SAE1: variants seen among roughly 807,000 people sequenced by gnomAD.
The protein encoded by SAE1 is SUMO-activating enzyme subunit 1.
Under a neutral mutation model 40.6 loss-of-function variants are expected in SAE1, and 11 were observed. That is an observed-to-expected ratio of 0.27 (90% CI 0.17 to 0.45). The LOEUF is 0.45. SAE1 is among the 20% of genes least tolerant of loss of function. SAE1 has a pLI of 1.00. For synonymous variants in SAE1, 155 were observed against 154.3 expected, an observed-to-expected ratio of 1.00 and a Z score of -0.03; for missense variants, 373 against 427.3, an observed-to-expected ratio of 0.87 and a Z score of 1.12.
chr19:47,150,167 T>C, intron 2 of SAE1, 35 bp from the exon 3 acceptor site: 1 of 1,413,196 alleles, frequency 7.1e-7, no homozygotes, highest in Non-Finnish European at 9.5e-7. Context: ...TCCCTAAAAA[T>C]ACAAGACTTA....
At chr19:47,176,822 C>T (rs916719779) in intron 6 of SAE1, among the ~76,000 whole-genome samples, 4 of 152,312 alleles carry the variant, frequency 2.6e-5, no homozygotes, top group African/African-American at 4.8e-5. Context: ...CATCTGTGAG[C>T]AAAAGGTCTC....
At chr19:47,183,414 T>G (rs2123282747) in intron 6 of SAE1, among the ~76,000 whole-genome samples, 1 of 152,288 alleles carries the variant, frequency 6.6e-6, no homozygotes, top group Admixed American at 6.5e-5. Context: ...GCCTTGTGTT[T>G]AAGCATCGCC....
At chr19:47,145,936 GT>G (rs11321351) in intron 2 of SAE1, among the ~76,000 whole-genome samples, 125,154 of 129,956 alleles carry the variant, frequency 0.96, 60,345 homozygotes, top group Middle Eastern at 0.98. Flanking sequence ...CATTCTCAAG[GT>G]TTTTTTTTTT....
chr19:47,152,824 G>A (rs924178942), intron 3 of SAE1, 74 bp from the exon 4 acceptor site: 7 of 1,425,124 alleles, frequency 4.9e-6, no homozygotes, highest in African/African-American at 2.8e-5. Flanking sequence ...TGTTCATTAA[G>A]ATTTATTTAG....
chr19:47,201,322 C>CA (rs1425936878), intron 7 of SAE1, among the ~76,000 whole-genome samples: 4 of 141,604 alleles, frequency 2.8e-5, no homozygotes, highest in Non-Finnish European at 4.5e-5. Flanking sequence ...GCTGGGATTA[C>CA]AGGCATGAGC....
chr19:47,185,783 G>C (rs1399544552), intron 6 of SAE1, among the ~76,000 whole-genome samples: 1 of 150,814 alleles, frequency 6.6e-6, no homozygotes, highest in Non-Finnish European at 1.5e-5. Flanking sequence ...TGTATTTTTA[G>C]TAGAGACAGG....
At chr19:47,149,106 C>T (rs906176551) in intron 2 of SAE1, among the ~76,000 whole-genome samples, 13 of 149,570 alleles carry the variant, frequency 8.7e-5, no homozygotes, top group South Asian at 2.1e-4. Flanking sequence ...CCTGCTTTGG[C>T]GTCCCAAATT....
At chr19:47,166,177 G>T (rs73568426) in intron 5 of SAE1, among the ~76,000 whole-genome samples, 214 of 152,284 alleles carry the variant, frequency 1.4e-3, no homozygotes, top group African/African-American at 5.0e-3. Context: ...GGCCAGAGAC[G>T]TGGGGGTTTG....
chr19:47,136,517 C>T (rs1187384079), intron 1 of SAE1, among the ~76,000 whole-genome samples: 8 of 127,428 alleles, frequency 6.3e-5, no homozygotes, highest in Non-Finnish European at 1.1e-4. Flanking sequence ...TTTTTTGAGA[C>T]GGAGTTTCGC....
At chr19:47,200,660 GC>G (rs756257656) in intron 7 of SAE1, among the ~76,000 whole-genome samples, 22 of 152,058 alleles carry the variant, frequency 1.4e-4, no homozygotes, top group Non-Finnish European at 2.6e-4. Context: ...ACAGGCGTCA[GC>G]CACTTGTATC....
At chr19:47,150,397 C>A in intron 3 of SAE1, 22 bp downstream of exon 3, 1 of 1,578,770 alleles carries the variant, frequency 6.3e-7, no homozygotes, top group Non-Finnish European at 8.6e-7. Context: ...ATTATAAAAT[C>A]TGCTGTGGGA....
At chr19:47,149,578 A>G (rs1395715697) in intron 2 of SAE1, among the ~76,000 whole-genome samples, 1 of 152,168 alleles carries the variant, frequency 6.6e-6, no homozygotes, top group Non-Finnish European at 1.5e-5. Flanking sequence ...TATTTAGTCA[A>G]TTCTTGCCAC....
chr19:47,144,898 C>T (rs1038911120), intron 2 of SAE1, among the ~76,000 whole-genome samples: 2 of 152,186 alleles, frequency 1.3e-5, no homozygotes, highest in African/African-American at 4.8e-5. Context: ...ATGGCGCAAT[C>T]TCCGCACACT....
intron 5 of SAE1, among the ~76,000 whole-genome samples, chr19:47,166,913 A>G (rs1771326612): frequency 6.6e-6 from 1 of 152,162 alleles, no homozygotes; most frequent in Non-Finnish European, 1.5e-5. Flanking sequence ...TCCTAAAGGA[A>G]AGCCACCTAA....
At chr19:47,143,108 G>A (rs576601326) in intron 1 of SAE1, among the ~76,000 whole-genome samples, 1 of 151,604 alleles carries the variant, frequency 6.6e-6, no homozygotes, top group African/African-American at 2.4e-5. Flanking sequence ...GAACCAAAAT[G>A]ATTTTTTTTT....
At chr19:47,174,058 A>G (rs941643154) in intron 6 of SAE1, among the ~76,000 whole-genome samples, 1 of 152,006 alleles carries the variant, frequency 6.6e-6, no homozygotes, top group Non-Finnish European at 1.5e-5. Flanking sequence ...TGCTGGGATT[A>G]CAGACGTGAG....
At chr19:47,204,717 C>T (rs990224702) in intron 8 of SAE1, among the ~76,000 whole-genome samples, 3 of 150,916 alleles carry the variant, frequency 2.0e-5, no homozygotes, top group Non-Finnish European at 4.4e-5. Context: ...AGGCTGGTCT[C>T]GAACTCCTGA....
At chr19:47,137,648 C>T (rs1035054316) in intron 1 of SAE1, among the ~76,000 whole-genome samples, 1 of 151,810 alleles carries the variant, frequency 6.6e-6, no homozygotes, top group South Asian at 2.1e-4. Flanking sequence ...AGGCGTATGC[C>T]ATATCACTCA....
At chr19:47,188,203 C>G (rs2058555981) in intron 6 of SAE1, among the ~76,000 whole-genome samples, 1 of 151,804 alleles carries the variant, frequency 6.6e-6, no homozygotes, top group South Asian at 2.1e-4. Context: ...AAAAAATGAA[C>G]CACCAGGCAT....
Sources: allele counts gnomAD v4.1 joint callset (sites outside exome capture counted in the v4.1 genomes callset), GRCh38; gene constraint gnomAD v4.1.1; transcripts MANE v1.5; gene names NCBI Gene and HGNC (gene_info 2026-07-23, HGNC 2026-07-21).